ATRNL1: variants seen among roughly 807,000 people sequenced by gnomAD.
The protein encoded by ATRNL1 is attractin like 1.
ATRNL1 carries 95 observed loss-of-function variants against 182.7 expected under a neutral mutation model. That is an observed-to-expected ratio of 0.52 (90% confidence interval 0.44 to 0.62). The LOEUF (loss-of-function observed/expected upper bound fraction) is 0.62, where lower values mean the gene tolerates loss of function less well. ATRNL1 is among the 20% of genes least tolerant of loss of function. ATRNL1 has a pLI of 0.00. For missense variants in ATRNL1, 1,471 were observed against 1,679.5 expected (o/e 0.88, Z 2.17); for synonymous variants, 576 against 568.3 (o/e 1.01, Z -0.19).
chr10:115,175,234 C>T (rs147746022), intron 8 of ATRNL1, among the ~76,000 whole-genome samples: 242 of 152,042 alleles, frequency 1.6e-3, no homozygotes, highest in African/African-American at 5.4e-3. Context: ...CTTTATTGAA[C>T]GTTTGTCCCA....
intron 26 of ATRNL1, among the ~76,000 whole-genome samples, chr10:115,562,327 T>C (rs1228509280): frequency 6.6e-6 from 1 of 152,124 alleles, no homozygotes; most frequent in Non-Finnish European, 1.5e-5. Context: ...TGGGGCCAGA[T>C]GGAGAATGAT....
chr10:115,252,356 T>C (rs572073478), intron 10 of ATRNL1, among the ~76,000 whole-genome samples: 2 of 152,080 alleles, frequency 1.3e-5, no homozygotes, highest in Non-Finnish European at 2.9e-5. Flanking sequence ...GGTCGTATAC[T>C]CTCTTTCTTT....
At chr10:115,410,396 A>T (rs562899582) in intron 20 of ATRNL1, among the ~76,000 whole-genome samples, 2 of 151,358 alleles carry the variant, frequency 1.3e-5, no homozygotes, top group East Asian at 3.9e-4. Flanking sequence ...ATCTTGGCTC[A>T]CTGGAAACTC....
At chr10:115,316,831 A>T (rs1854323587) in intron 18 of ATRNL1, among the ~76,000 whole-genome samples, 1 of 152,168 alleles carries the variant, frequency 6.6e-6, no homozygotes, top group Non-Finnish European at 1.5e-5. Context: ...TCAGATGGGT[A>T]GATTGCAAAA....
intron 19 of ATRNL1, among the ~76,000 whole-genome samples, chr10:115,365,770 C>T (rs1375217780): frequency 5.9e-5 from 9 of 152,144 alleles, no homozygotes; most frequent in South Asian, 4.2e-4. Context: ...GCCTTCATTT[C>T]GTTATGTATC....
intron 5 of ATRNL1, among the ~76,000 whole-genome samples, chr10:115,137,519 T>TG (rs546387327): frequency 1.3e-3 from 194 of 152,256 alleles, no homozygotes; most frequent in African/African-American, 4.3e-3. Context: ...TCCACATGGC[T>TG]GGGGGGGCCT....
intron 28 of ATRNL1, among the ~76,000 whole-genome samples, chr10:115,907,137 T>G (rs1330636469): frequency 6.6e-6 from 1 of 152,226 alleles, no homozygotes; most frequent in Non-Finnish European, 1.5e-5. Context: ...GTCTTCTAAG[T>G]GGTAGAGTCC....
At chr10:115,238,749 T>A (rs1231571649) in intron 9 of ATRNL1, among the ~76,000 whole-genome samples, 3 of 152,194 alleles carry the variant, frequency 2.0e-5, no homozygotes, top group Non-Finnish European at 2.9e-5. Flanking sequence ...CATTCTCTTG[T>A]CTTATTGCAG....
At chr10:115,121,246 G>A (rs1162473918) in intron 2 of ATRNL1, among the ~76,000 whole-genome samples, 2 of 152,066 alleles carry the variant, frequency 1.3e-5, no homozygotes, top group Non-Finnish European at 2.9e-5. Flanking sequence ...CTGAGTAGCT[G>A]GGACTAGAGG....
Position 115,345,648 on chromosome 10 carries a change from C to T in ATRNL1, c.3175+11229C>T, listed in dbSNP as rs186080712. Among the ~76,000 whole-genome samples the T allele has an allele frequency of 7.9e-5, 12 of 152,218 alleles. No homozygotes were observed. The East Asian group carries it at 2.3e-3, about 29-fold the overall frequency. ...AAATTGATGTCCCTGTTGGAGGGGA[C>T]GATTGATGGAACCTTCTATTCTGCT... On this transcript the variant is annotated intron_variant, in intron 19 of 28. Transcript: ENST00000355044.
At chr10:115,476,032 C>CTT (rs1848514323) in intron 24 of ATRNL1, among the ~76,000 whole-genome samples, 1 of 151,258 alleles carries the variant, frequency 6.6e-6, no homozygotes, top group Admixed American at 6.6e-5. Context: ...TAGAACTTTT[C>CTT]TTTTTTCTGA....
At chr10:115,187,895 T>A (rs1554889089) in intron 8 of ATRNL1, among the ~76,000 whole-genome samples, 1 of 151,830 alleles carries the variant, frequency 6.6e-6, no homozygotes, top group Non-Finnish European at 1.5e-5. Context: ...TTAACCAGGA[T>A]GGTCTTGATC....
intron 28 of ATRNL1, among the ~76,000 whole-genome samples, chr10:115,856,821 G>C (rs1048218733): frequency 4.6e-5 from 7 of 152,128 alleles, no homozygotes; most frequent in African/African-American, 1.7e-4. Context: ...TGTGAGTGCT[G>C]TGAGGCCCGG....
intron 24 of ATRNL1, among the ~76,000 whole-genome samples, chr10:115,512,581 T>A (rs1850440727): frequency 6.6e-6 from 1 of 151,784 alleles, no homozygotes; most frequent in South Asian, 2.1e-4. Context: ...GTAGTTTTAT[T>A]GAGTGCTTTC....
chr10:115,892,546 A>G lies in ATRNL1; in HGVS notation c.4018+44555A>G, dbSNP rs138864716. 1.9e-3 allele frequency among the ~76,000 whole-genome samples: 282 copies of G among 152,332 alleles called. 1 individual carries two copies. The highest frequency in any genetic ancestry group is 5.9e-3 in the African/African-American group (244 of 41,584). On this transcript the variant is annotated intron_variant, in intron 28 of 28. Transcript: ENST00000355044. ...TAGCAATATTTCATGCTGATGATAC[A>G]TATCTTGTAAGACTATGAACTTTTT...
chr10:115,204,346 A>G (rs1273516515), intron 8 of ATRNL1, among the ~76,000 whole-genome samples: 1 of 152,074 alleles, frequency 6.6e-6, no homozygotes, highest in Non-Finnish European at 1.5e-5. Flanking sequence ...AGTGGTGGGA[A>G]TGAGCATCCT....
At chr10:115,134,436 G>A (rs1231877795) in intron 5 of ATRNL1, among the ~76,000 whole-genome samples, 1 of 152,104 alleles carries the variant, frequency 6.6e-6, no homozygotes, top group Non-Finnish European at 1.5e-5. Flanking sequence ...AGAAAATCTA[G>A]AAGAAATGGA....
intron 10 of ATRNL1, among the ~76,000 whole-genome samples, chr10:115,246,734 G>A (rs1850661859): frequency 8.5e-6 from 1 of 117,514 alleles, no homozygotes. Context: ...CTAATTTTTT[G>A]TATTTTTAGT....
At chr10:115,207,812 G>T (rs1848859763) in intron 8 of ATRNL1, among the ~76,000 whole-genome samples, 1 of 151,710 alleles carries the variant, frequency 6.6e-6, no homozygotes, top group African/African-American at 2.4e-5. Flanking sequence ...GAAATTCTTG[G>T]TGTGAGCTTC....
Sources: gnomAD v4.1 joint callset for allele counts (sites outside exome capture counted in the v4.1 genomes callset) on GRCh38, gnomAD v4.1.1 for gene constraint, MANE v1.5 for transcripts, NCBI Gene and HGNC (gene_info 2026-07-23, HGNC 2026-07-21) for gene names.